MED27: variants seen among roughly 807,000 people sequenced by gnomAD.
MED27 encodes mediator complex subunit 27.
Under a neutral mutation model 38.2 loss-of-function variants are expected in MED27, and 30 were observed. The ratio of observed to expected loss-of-function variants is 0.79; its 90% confidence interval spans 0.59 to 1.07. The LOEUF is 1.07. Among genes scored for constraint, MED27 ranks in the 50% least tolerant of loss-of-function variants. The pLI is 0.00. For synonymous variants in MED27, 122 were observed against 153.5 expected, an observed-to-expected ratio of 0.79 and a Z score of 1.52; for missense variants, 289 against 397.5, an observed-to-expected ratio of 0.73 and a Z score of 2.32.
At chr9:132,045,682 G>T (rs1182880852) in intron 2 of MED27, among the ~76,000 whole-genome samples, 1 of 152,184 alleles carries the variant, frequency 6.6e-6, no homozygotes, top group African/African-American at 2.4e-5. Flanking sequence ...CTGCATGTCA[G>T]TATTTATTCT....
At chr9:131,970,359 G>C (rs143404470) in intron 3 of MED27, among the ~76,000 whole-genome samples, 133 of 152,370 alleles carry the variant, frequency 8.7e-4, no homozygotes, top group African/African-American at 3.1e-3. Flanking sequence ...GACAGCCACA[G>C]AGTGCAGACA....
intron 2 of MED27, among the ~76,000 whole-genome samples, chr9:132,019,902 C>T (rs1170994864): frequency 6.6e-6 from 1 of 152,232 alleles, no homozygotes; most frequent in Admixed American, 6.5e-5. Flanking sequence ...TGATAGAACT[C>T]TTCACTCTGC....
intron 3 of MED27, among the ~76,000 whole-genome samples, chr9:131,992,758 C>A (rs1274332316): frequency 6.6e-6 from 1 of 152,140 alleles, no homozygotes; most frequent in Non-Finnish European, 1.5e-5. Context: ...CTCTTCAGAG[C>A]CCATCTGCCC....
intron 2 of MED27, among the ~76,000 whole-genome samples, chr9:132,057,201 G>A (rs902706088): frequency 5.3e-5 from 8 of 152,168 alleles, no homozygotes; most frequent in African/African-American, 1.7e-4. Context: ...CACCACCCGC[G>A]GTAATCCTCT....
Position 131,860,841 on chromosome 9 carries a change from G to A in MED27, c.802-169C>T, listed in dbSNP as rs1352140075. ...GCGGAACCCACAAGGTCACCTGACT[G>A]CTGATGTTCACGTCTGATGCTCGCG... On this transcript the variant is annotated intron_variant, in intron 7 of 7. Transcript: ENST00000292035. The surrounding 1 kb of genome is among the most constrained non-coding windows in gnomAD (Gnocchi z 5.8). 6.6e-6 allele frequency among the ~76,000 whole-genome samples: 1 copy of A among 152,182 alleles called. No homozygotes were observed. Among genetic ancestry groups the A allele is most frequent in the East Asian group, 1.9e-4 (1 of 5,180 alleles).
chr9:131,861,084 C>T lies in MED27; in HGVS notation c.802-412G>A, dbSNP rs1838643863. ...GGCTGTGCATGTGTGCTGAGGAAGC[C>T]TTGGAACCGAGGACAATTCCAGAGT... On this transcript the variant is annotated intron_variant, in intron 7 of 7. Transcript: ENST00000292035. The surrounding 1 kb of genome is among the most constrained non-coding windows in gnomAD (Gnocchi z 4.4). 6.6e-6 allele frequency among the ~76,000 whole-genome samples: 1 copy of T among 152,034 alleles called. No homozygotes were observed. The highest frequency in any genetic ancestry group is 6.5e-5 in the Admixed American group (1 of 15,270).
chr9:132,043,553 T>C (rs1833268334), intron 2 of MED27, among the ~76,000 whole-genome samples: 1 of 152,104 alleles, frequency 6.6e-6, no homozygotes. Context: ...ATAAAATCTT[T>C]TGTAATTTAA....
At chr9:131,925,900 T>C (rs1169727650) in intron 4 of MED27, among the ~76,000 whole-genome samples, 1 of 152,232 alleles carries the variant, frequency 6.6e-6, no homozygotes, top group Non-Finnish European at 1.5e-5. Flanking sequence ...GGGCCATGCC[T>C]GCGTTAGTGA....
intron 3 of MED27, among the ~76,000 whole-genome samples, chr9:131,978,508 G>T (rs551915928): frequency 6.6e-6 from 1 of 152,274 alleles, no homozygotes; most frequent in South Asian, 2.1e-4. Flanking sequence ...TACACTTTAT[G>T]TATCTTGAAA....
At chr9:131,954,569 T>C (rs1831058357) in intron 3 of MED27, among the ~76,000 whole-genome samples, 1 of 152,152 alleles carries the variant, frequency 6.6e-6, no homozygotes, top group African/African-American at 2.4e-5. Flanking sequence ...CTGAGAAGTC[T>C]TGTGGCAGTC....
chr9:131,879,531 C>A (rs1838998636), intron 6 of MED27, among the ~76,000 whole-genome samples: 1 of 152,276 alleles, frequency 6.6e-6, no homozygotes. Flanking sequence ...CCCAGAACTC[C>A]CATCTCAGAG....
At position 131,973,960 on chromosome 9, in the gene MED27, G is replaced by A. The variant is rs558410889; in HGVS notation, c.480-34486C>T. On this transcript the variant is annotated intron_variant, in intron 3 of 7. Coordinates refer to ENST00000292035, the MANE Select transcript of MED27 (RefSeq NM_004269.4). The stretch of plus-strand genomic sequence containing the variant: ...GATCTCCTGACCTAGTGATCCACCC[G>A]CCTTGGCCTCCCAAAGTGCTGGGAT... Among the ~76,000 whole-genome samples, 14 of 151,044 alleles carry A rather than the reference G, an allele frequency of 9.3e-5. No individual in the cohort carries two copies. The South Asian group carries it at 1.9e-3, about 20-fold the overall frequency.
intron 2 of MED27, among the ~76,000 whole-genome samples, chr9:132,039,474 G>C (rs139450656): frequency 1.8e-4 from 27 of 152,318 alleles, no homozygotes; most frequent in African/African-American, 6.5e-4. Context: ...CTCAATAAGT[G>C]CCGGCCATTG....
chr9:131,998,046 CCAGGGCCA>C (rs1019726014), intron 3 of MED27, among the ~76,000 whole-genome samples: 3 of 152,082 alleles, frequency 2.0e-5, no homozygotes, highest in Non-Finnish European at 4.4e-5. Flanking sequence ...GGGCAGAGTT[CCAGGGCCA>C]CAGAGCACCA....
chr9:132,037,007 C>A (rs1833093382), intron 2 of MED27, among the ~76,000 whole-genome samples: 1 of 152,028 alleles, frequency 6.6e-6, no homozygotes, highest in Non-Finnish European at 1.5e-5. Context: ...AGACAGACAG[C>A]CCAAAGAGCA....
intron 6 of MED27, among the ~76,000 whole-genome samples, chr9:131,879,366 C>T (rs1160000931): frequency 6.6e-6 from 1 of 152,230 alleles, no homozygotes; most frequent in African/African-American, 2.4e-5. Context: ...TCGTTCTGGG[C>T]TGGCCACAGC....
intron 3 of MED27, among the ~76,000 whole-genome samples, chr9:131,949,096 GTTC>G (rs1407179440): frequency 6.6e-6 from 1 of 152,108 alleles, no homozygotes; most frequent in African/African-American, 2.4e-5. Flanking sequence ...ACAAAATAGA[GTTC>G]TTCTTACACA....
chr9:131,862,344 G>A lies in MED27; in HGVS notation c.801+719C>T, dbSNP rs1294901025. Among the ~76,000 whole-genome samples, 5 of 152,032 alleles carry A rather than the reference G, an allele frequency of 3.3e-5. No individual in the cohort carries two copies. Among genetic ancestry groups the A allele is most frequent in the East Asian group, 3.9e-4 (2 of 5,186 alleles). Reference sequence around the variant, plus strand: ...GGGGTCTGCTGGCGTGAGAGCATGCGGCCGTGTGAGCATGCTGGCGTGAGA... The same window carrying A: ...GGGGTCTGCTGGCGTGAGAGCATGCAGCCGTGTGAGCATGCTGGCGTGAGA... On this transcript the variant is annotated intron_variant, in intron 7 of 7. Coordinates refer to ENST00000292035, the MANE Select transcript of MED27 (RefSeq NM_004269.4). The surrounding 1 kb of genome is among the most constrained non-coding windows in gnomAD (Gnocchi z 4.6).
chr9:131,986,231 C>T (rs890077101), intron 3 of MED27, among the ~76,000 whole-genome samples: 1 of 152,126 alleles, frequency 6.6e-6, no homozygotes, highest in Non-Finnish European at 1.5e-5. Context: ...TATAGTAATG[C>T]CCTACACCTT....
Sources: allele counts gnomAD v4.1 joint callset (sites outside exome capture counted in the v4.1 genomes callset), GRCh38; gene constraint gnomAD v4.1.1; non-coding constraint Gnocchi (gnomAD v3.1); transcripts MANE v1.5; gene names NCBI Gene and HGNC (gene_info 2026-07-23, HGNC 2026-07-21).